Variants in RRP1B observed in about 807,000 individuals in gnomAD.
RRP1B encodes the protein ribosomal RNA processing protein 1 homolog B.
A neutral mutation model predicts 80.2 loss-of-function variants in RRP1B; 56 were observed. The observed-to-expected ratio is 0.70, with a 90% CI of 0.56 to 0.87. RRP1B has a LOEUF of 0.87. Ranked by LOEUF, RRP1B falls within the 40% of genes least tolerant of loss-of-function variation. RRP1B has a pLI of 0.00. For synonymous variants in RRP1B, 351 were observed against 357.6 expected (o/e 0.98, Z 0.21); for missense variants, 807 against 939.8 (o/e 0.86, Z 1.85).
chr21:43,673,135 G>A (rs533259886), intron 3 of RRP1B, among the ~76,000 whole-genome samples: 1 of 152,268 alleles, frequency 6.6e-6, no homozygotes, highest in East Asian at 1.9e-4. Context: ...TTTCTATATG[G>A]ATTATATAAG....
chr21:43,693,596 T>A lies in RRP1B; in HGVS notation c.*213T>A. 6.0e-6 allele frequency: 3 copies of A among 500,488 alleles called. No individual in the cohort carries two copies. The highest frequency in any genetic ancestry group is 3.1e-5 in the South Asian group (1 of 32,642). The allele number at this position is 500,488 out of a possible 1,614,324, so 31.0% of individuals were successfully genotyped here. A position where few individuals can be genotyped will look rare whatever the true frequency, so the allele number is the denominator to read the frequency against. On this transcript the variant is annotated 3_prime_UTR_variant, in exon 16 of 16. Transcript: ENST00000340648. The surrounding 1 kb of genome is among the most constrained non-coding windows in gnomAD (Gnocchi z 4.1). Reference sequence around the variant, plus strand: ...TCTTTTGCTACAAACCATGTTTGCGTTTGAGCTCTCCAGGATTTTACATTT... The same window carrying A: ...TCTTTTGCTACAAACCATGTTTGCGATTGAGCTCTCCAGGATTTTACATTT...
chr21:43,685,158 T>C (rs1424926189), intron 10 of RRP1B, among the ~76,000 whole-genome samples: 2 of 152,210 alleles, frequency 1.3e-5, no homozygotes, highest in Non-Finnish European at 2.9e-5. Flanking sequence ...GATCACACTC[T>C]AGGAGCCGGG....
rs1312292762 is a variant in RRP1B at position 43,693,702 on chromosome 21, T to G, written c.*319T>G. ...GAGGAGAGCACGTTGATCTGAACTT[T>G]AAATCAATCAGTGCTGCTGGCACAA... On this transcript the variant is annotated 3_prime_UTR_variant, in exon 16 of 16. Transcript: ENST00000340648. This position sits in a 1 kb window ranked among gnomAD's most constrained non-coding sequence, Gnocchi z 4.1. 1 of 266,052 alleles carries G rather than the reference T, an allele frequency of 3.8e-6. No individual in the cohort carries two copies. Among genetic ancestry groups the G allele is most frequent in the Non-Finnish European group, 6.9e-6 (1 of 144,324 alleles). The allele number at this position is 266,052 out of a possible 1,614,324, so 16.5% of individuals were successfully genotyped here.
In RRP1B at chr21:43,691,428, C is replaced by T; in HGVS notation, c.2020-11C>T. On this transcript the variant is annotated splice_polypyrimidine_tract_variant and intron_variant, in intron 14 of 15. Coordinates refer to ENST00000340648, the MANE Select transcript of RRP1B (RefSeq NM_015056.3). This position sits in a 1 kb window ranked among gnomAD's most constrained non-coding sequence, Gnocchi z 4.2. ...GTCACTCCTTTTGTTCCTGTTATTT[C>T]TCTTCTGCAGCTAAACAAGACACCA... is the stretch of plus-strand genomic sequence containing the variant. 2.5e-6 allele frequency: 4 copies of T among 1,613,718 alleles called. No individual in the cohort carries two copies. Among genetic ancestry groups the T allele is most frequent in the Non-Finnish European group, 3.4e-6 (4 of 1,179,722 alleles).
Position 43,676,866 on chromosome 21 carries a change from C to A in RRP1B, c.748C>A (p.Pro250Thr). 1.2e-6 allele frequency: 2 copies of A among 1,614,160 alleles called. No individual in the cohort carries two copies. Among genetic ancestry groups the A allele is most frequent in the Non-Finnish European group, 1.7e-6 (2 of 1,180,016 alleles). Residue 250 changes from proline to threonine, a missense_variant, in exon 8 of 16, where the codon CCT becomes ACT. Pro to Thr is a conservative substitution (Grantham distance 38, BLOSUM62 -1). Transcript: ENST00000340648. Reference protein sequence around the residue: ...GDGDLSAEEIPENEVSLRRAV... With the variant: ...GDGDLSAEEITENEVSLRRAV... ...TGGTGACCTCTCTGCTGAGGAGATA[C>A]CTGAAAATGAGGTATCCTTGAGAAG...
chr21:43,693,218 G>A lies in RRP1B; in HGVS notation c.2112G>A (p.Leu704=). 6.2e-7 allele frequency: 1 copy of A among 1,614,034 alleles called. No homozygotes were observed. The highest frequency in any genetic ancestry group is 8.5e-7 in the Non-Finnish European group (1 of 1,180,006). ...TCAAGAAGACAGACAAGAGTATCTT[G>A]GTCAGTCCCACGGGCCCTTCTCGAG... is the stretch of plus-strand genomic sequence containing the variant. ...AEFKKTDKSI[L]VSPTGPSRVA... The change falls in exon 16 of 16, where the codon TTG becomes TTA. Residue 704 remains leucine (L), a synonymous_variant. Transcript: ENST00000340648. The surrounding 1 kb of genome is among the most constrained non-coding windows in gnomAD (Gnocchi z 4.1).
At chr21:43,680,359 A>C (rs2083038602) in intron 8 of RRP1B, among the ~76,000 whole-genome samples, 1 of 151,920 alleles carries the variant, frequency 6.6e-6, no homozygotes, top group Non-Finnish European at 1.5e-5. Context: ...GGAGTTCGAG[A>C]CCAGCCTGAC....
At position 43,685,754 on chromosome 21, in the gene RRP1B, A is replaced by AC. The variant is rs768545008; in HGVS notation, c.990-16_990-15insC. ...GTTATTTTTTTATTTTTTATTTTTT[A>AC]TTTTTTTATTTTTAGATTCCAAGAC... On this transcript the variant is annotated splice_polypyrimidine_tract_variant and intron_variant, in intron 10 of 15. Transcript: ENST00000340648. 1 of 1,488,456 alleles carries AC rather than the reference A, an allele frequency of 6.7e-7. No individual in the cohort carries two copies. Among genetic ancestry groups the AC allele is most frequent in the South Asian group, 1.4e-5 (1 of 70,370 alleles). 92.2% of individuals were successfully genotyped at this position (1,488,456 alleles called of 1,614,324 possible). A position where few individuals can be genotyped will look rare whatever the true frequency, so the allele number is the denominator to read the frequency against.
At position 43,688,157 on chromosome 21, in the gene RRP1B, A is replaced by C. The variant is rs142956391; in HGVS notation, c.1783A>C (p.Lys595Gln). The C allele has an allele frequency of 2.3e-4, 361 of 1,578,150 alleles. No homozygotes were observed. In the East Asian group the frequency reaches 7.9e-3, roughly 35 times the overall value. The change falls in exon 13 of 16, where the codon AAG becomes CAG. Residue 595 changes from lysine (K) to glutamine (Q), a missense_variant. By Grantham distance (53) the Lys-to-Gln change is moderately conservative. Coordinates refer to ENST00000340648, the MANE Select transcript of RRP1B (RefSeq NM_015056.3). ...CAGCCAGAAAACAGCAAGTTTGAAA[A>C]AGAGGAAGAAAATGAGAGTGATGTC... Reference protein sequence around the residue: ...LPSQKTASLKKRKKMRVMSNL... With the variant: ...LPSQKTASLKQRKKMRVMSNL...
intron 4 of RRP1B, 37 bp from the exon 5 acceptor site, chr21:43,674,586 CTTTTTTTTTTTTT>C (rs33994751): frequency 6.1e-5 from 24 of 392,704 alleles, no homozygotes; most frequent in South Asian, 3.5e-4. Context: ...CTTACCTTTC[CTTTTTTTTTTTTT>C]TTTTTTTTTT....
At chr21:43,680,214 G>T (rs187747241) in intron 8 of RRP1B, among the ~76,000 whole-genome samples, 35 of 152,112 alleles carry the variant, frequency 2.3e-4, no homozygotes, top group Non-Finnish European at 3.5e-4. Context: ...AGGATTGTTC[G>T]TGCTTTTAAA....
chr21:43,680,286 G>A (rs879556820), intron 8 of RRP1B, among the ~76,000 whole-genome samples: 8 of 152,122 alleles, frequency 5.3e-5, no homozygotes, highest in Non-Finnish European at 7.3e-5. Context: ...TCGGCCGGGC[G>A]CGGTGGCCCA....
At chr21:43,680,614 G>A (rs1261508172) in intron 8 of RRP1B, among the ~76,000 whole-genome samples, 4 of 150,846 alleles carry the variant, frequency 2.7e-5, no homozygotes, top group East Asian at 3.9e-4. Flanking sequence ...AGGCTGCAGT[G>A]CAGTGGAGCA....
chr21:43,686,032 G>C, intron 11 of RRP1B: 1 of 360,540 alleles, frequency 2.8e-6, no homozygotes, highest in East Asian at 5.0e-5. Flanking sequence ...AAGAGGGGAG[G>C]ATCGCTTGAG....
Position 43,668,080 on chromosome 21 carries a change from G to A in RRP1B, c.131-1804G>A, listed in dbSNP as rs967893181. On this transcript the variant is annotated intron_variant, in intron 1 of 15. Coordinates refer to ENST00000340648, the MANE Select transcript of RRP1B (RefSeq NM_015056.3). ...AAAAATTAGCCAGGCGTGGTGGCAC[G>A]CGCCTATAATCCCAGCTACTCTTGA... Among the ~76,000 whole-genome samples, 7 of 151,840 alleles carry A rather than the reference G, an allele frequency of 4.6e-5. No individual in the cohort carries two copies. In the South Asian group the frequency reaches 8.3e-4, roughly 18 times the overall value.
intron 8 of RRP1B, among the ~76,000 whole-genome samples, chr21:43,679,618 T>G (rs1225553702): frequency 6.6e-6 from 1 of 152,202 alleles, no homozygotes; most frequent in Non-Finnish European, 1.5e-5. Flanking sequence ...CTATGCAGGC[T>G]CTTTTTTGAT....
chr21:43,687,703 G>C lies in RRP1B; in HGVS notation c.1329G>C (p.Val443=). 6.2e-7 allele frequency: 1 copy of C among 1,611,040 alleles called. No individual in the cohort carries two copies. The part of the protein sequence containing the change: ...ASGLKALKAR[V]AEPGAEATSS... ...GGCTGAAAGCCCTGAAGGCACGTGT[G>C]GCCGAGCCAGGTGCAGAGGCCACGT... Residue 443 remains valine (V), a synonymous_variant, in exon 13 of 16, where the codon GTG becomes GTC. Coordinates refer to ENST00000340648, the MANE Select transcript of RRP1B (RefSeq NM_015056.3).
intron 8 of RRP1B, among the ~76,000 whole-genome samples, chr21:43,681,784 T>G (rs2083044633): frequency 6.9e-6 from 1 of 145,962 alleles, no homozygotes. Flanking sequence ...AGACCTTGAC[T>G]TTACAAAAAT....
chr21:43,679,131 G>A (rs756171866), intron 8 of RRP1B, among the ~76,000 whole-genome samples: 2 of 152,026 alleles, frequency 1.3e-5, no homozygotes, highest in Non-Finnish European at 2.9e-5. Flanking sequence ...ACCAGTACCA[G>A]TACCATGCCA....
Sources: gnomAD v4.1 joint callset for allele counts (sites outside exome capture counted in the v4.1 genomes callset) on GRCh38, gnomAD v4.1.1 for gene constraint, Gnocchi (gnomAD v3.1) non-coding constraint, MANE v1.5 for transcripts, NCBI Gene and HGNC (gene_info 2026-07-23, HGNC 2026-07-21) for gene names.